ERBIN: variants seen among roughly 807,000 people sequenced by gnomAD.
ERBIN encodes the protein densin-180-like protein.
In ERBIN, 60 loss-of-function variants were observed where a neutral mutation model predicts 158.4. The observed-to-expected ratio is 0.38, with a 90% CI of 0.31 to 0.47. The LOEUF is 0.47. Among genes scored for constraint, ERBIN ranks in the 20% least tolerant of loss-of-function variants. The pLI is 0.99. For synonymous variants in ERBIN, 594 were observed against 557.2 expected, an observed-to-expected ratio of 1.07 and a Z score of -0.93; for missense variants, 1,610 against 1,648.0, an observed-to-expected ratio of 0.98 and a Z score of 0.40.
At chr5:65,963,953 C>T (rs1748233512) in intron 1 of ERBIN, among the ~76,000 whole-genome samples, 1 of 152,078 alleles carries the variant, frequency 6.6e-6, no homozygotes, top group East Asian at 2.0e-4. Flanking sequence ...GCGCCTGCCA[C>T]CATGCTTGGC....
intron 1 of ERBIN, among the ~76,000 whole-genome samples, chr5:65,978,421 C>G (rs1580231050): frequency 6.6e-6 from 1 of 152,144 alleles, no homozygotes; most frequent in East Asian, 1.9e-4. Flanking sequence ...TAAGTTACAT[C>G]AGTCCTGCTA....
intron 14 of ERBIN, among the ~76,000 whole-genome samples, chr5:66,035,399 C>T (rs914139097): frequency 6.6e-6 from 1 of 152,178 alleles, no homozygotes; most frequent in African/African-American, 2.4e-5. Context: ...TTGATGGAGG[C>T]AGAGGCCTGG....
intron 21 of ERBIN, among the ~76,000 whole-genome samples, chr5:66,065,340 C>A (rs1347749529): frequency 7.3e-6 from 1 of 137,616 alleles, no homozygotes; most frequent in East Asian, 2.1e-4. Context: ...GCAGCCCATT[C>A]CAATTCAGTG....
At chr5:65,932,773 A>G (rs1743597974) in intron 1 of ERBIN, among the ~76,000 whole-genome samples, 1 of 152,118 alleles carries the variant, frequency 6.6e-6, no homozygotes, top group South Asian at 2.1e-4. Context: ...GTTTCTAAGA[A>G]TTCTAGTTTT....
At chr5:66,072,107 A>G in intron 21 of ERBIN, 62 bp from the exon 22 acceptor site, 2 of 1,509,440 alleles carry the variant, frequency 1.3e-6, no homozygotes. Context: ...CTCAAGTGTC[A>G]TCCTCTTGGT....
In ERBIN at chr5:66,033,016, A is replaced by C. The variant is rs942813246; in HGVS notation, c.1206+4673A>C. Reference sequence around the variant, plus strand: ...TATCTTTGGTATATCCAAGTTAGCCATGCATAGAACACGCTGGTGACCATG... The same window carrying C: ...TATCTTTGGTATATCCAAGTTAGCCCTGCATAGAACACGCTGGTGACCATG... On this transcript the variant is annotated intron_variant, in intron 14 of 25. Transcript: ENST00000284037. 7.9e-5 allele frequency among the ~76,000 whole-genome samples: 12 copies of C among 152,232 alleles called. No individual in the cohort carries two copies. The East Asian group carries it at 2.3e-3, about 29-fold the overall frequency.
At chr5:66,023,673 A>ATTT (rs145788640) in intron 9 of ERBIN, among the ~76,000 whole-genome samples, 8 of 131,600 alleles carry the variant, frequency 6.1e-5, no homozygotes, top group Non-Finnish European at 9.8e-5. Flanking sequence ...AACTTTCTGA[A>ATTT]TTTTTTTTTT....
chr5:66,008,910 C>G (rs1189394858), intron 4 of ERBIN, among the ~76,000 whole-genome samples: 1 of 152,192 alleles, frequency 6.6e-6, no homozygotes, highest in African/African-American at 2.4e-5. Context: ...TCAGTGTCAT[C>G]CACCACATCA....
At chr5:66,037,633 G>A (rs1324780361) in intron 14 of ERBIN, among the ~76,000 whole-genome samples, 5 of 152,154 alleles carry the variant, frequency 3.3e-5, no homozygotes, top group Admixed American at 2.6e-4. Flanking sequence ...AGGAGTAGGT[G>A]CAAAGAATTA....
chr5:66,044,689 C>G (rs1758239594), intron 17 of ERBIN, among the ~76,000 whole-genome samples: 2 of 152,026 alleles, frequency 1.3e-5, no homozygotes, highest in South Asian at 4.2e-4. Context: ...CGCTTGAACC[C>G]AGGAGGCGGG....
At chr5:65,938,674 T>TGAGGCCCA (rs1744389538) in intron 1 of ERBIN, among the ~76,000 whole-genome samples, 1 of 152,168 alleles carries the variant, frequency 6.6e-6, no homozygotes, top group Non-Finnish European at 1.5e-5. Flanking sequence ...TGCCTCAGCC[T>TGAGGCCCA]TCCAAGTAGC....
rs56164922 is a variant in ERBIN at position 66,065,591 on chromosome 5, C to CTG, written c.3634-6510_3634-6509dup. Among the ~76,000 whole-genome samples the CTG allele has an allele frequency of 1.1e-3, 121 of 109,388 alleles. 2 individuals are homozygous for CTG. Among genetic ancestry groups the CTG allele is most frequent in the Middle Eastern group, 4.8e-3 (1 of 210 alleles). 71.8% of individuals were successfully genotyped at this position (109,388 alleles called of 152,430 possible). On this transcript the variant is annotated intron_variant, in intron 21 of 25. Transcript: ENST00000284037. ...CAGAGATTTTCAGATTAATTTTGAC[C>CTG]TGTGTGTGTGTGTGTGTGTGTGTGT... is the stretch of plus-strand genomic sequence containing the variant.
rs1329089853 is a variant in ERBIN at position 66,075,242 on chromosome 5, C to A, written c.3963+12C>A. 6.2e-7 allele frequency: 1 copy of A among 1,604,864 alleles called. No individual in the cohort carries two copies. The highest frequency in any genetic ancestry group is 1.7e-5 in the Admixed American group (1 of 59,998). ...TGGCAAAACAAGAGGTAAGAATAATCAAGACTATTTGAAATATGGGACTAA... is the reference window on the plus strand; with the variant it reads ...TGGCAAAACAAGAGGTAAGAATAATAAAGACTATTTGAAATATGGGACTAA... On this transcript the variant is annotated intron_variant, in intron 23 of 25. Coordinates refer to ENST00000284037, the MANE Select transcript of ERBIN (RefSeq NM_001253697.2).
intron 25 of ERBIN, among the ~76,000 whole-genome samples, chr5:66,077,381 AG>A (rs1185704200): frequency 6.6e-6 from 1 of 152,034 alleles, no homozygotes; most frequent in African/African-American, 2.4e-5. Context: ...CAGTCTTAGA[AG>A]GAAGACAAAC....
intron 23 of ERBIN, chr5:66,076,083 G>C: frequency 2.1e-6 from 1 of 478,242 alleles, no homozygotes; most frequent in East Asian, 3.8e-5. Flanking sequence ...CATAAGACAA[G>C]CAATAAAATT....
intron 17 of ERBIN, 139 bp downstream of exon 17, chr5:66,044,449 A>G (rs547471901): frequency 4.3e-4 from 325 of 752,542 alleles, no homozygotes; most frequent in Admixed American, 6.3e-4. Context: ...ACATGCTCAC[A>G]TACATATGAT....
intron 14 of ERBIN, among the ~76,000 whole-genome samples, chr5:66,037,996 T>C (rs1010388587): frequency 5.3e-5 from 8 of 152,098 alleles, no homozygotes; most frequent in African/African-American, 1.9e-4. Context: ...TCCAAAAGCA[T>C]CTTAGTGAAG....
intron 4 of ERBIN, among the ~76,000 whole-genome samples, chr5:66,008,625 A>C (rs1219748073): frequency 6.6e-6 from 1 of 152,154 alleles, no homozygotes; most frequent in Non-Finnish European, 1.5e-5. Flanking sequence ...TTTTCTCTTT[A>C]GATAGACTTT....
intron 1 of ERBIN, among the ~76,000 whole-genome samples, chr5:65,973,224 A>AGGG (rs1749462346): frequency 6.8e-6 from 1 of 146,896 alleles, no homozygotes; most frequent in South Asian, 2.2e-4. Context: ...GGACACAGGA[A>AGGG]GGGGAACATC....
Sources: allele counts gnomAD v4.1 joint callset (sites outside exome capture counted in the v4.1 genomes callset), GRCh38; gene constraint gnomAD v4.1.1; transcripts MANE v1.5; gene names NCBI Gene and HGNC (gene_info 2026-07-23, HGNC 2026-07-21).